PARD3B: variants seen among roughly 807,000 people sequenced by gnomAD.
PARD3B encodes par-3 family cell polarity regulator beta.
A neutral mutation model predicts 130.2 loss-of-function variants in PARD3B; 103 were observed. The observed-to-expected ratio is 0.79, with a 90% CI of 0.67 to 0.93. PARD3B has a LOEUF of 0.93. Among genes scored for constraint, PARD3B ranks in the 40% least tolerant of loss-of-function variants. PARD3B has a pLI of 0.00. For missense variants in PARD3B, 1,609 were observed against 1,499.2 expected (o/e 1.07, Z -1.21); for synonymous variants, 583 against 553.2 (o/e 1.05, Z -0.76).
intron 22 of PARD3B, among the ~76,000 whole-genome samples, chr2:205,587,465 C>T (rs1366303198): frequency 1.3e-5 from 2 of 152,122 alleles, no homozygotes; most frequent in African/African-American, 4.8e-5. Flanking sequence ...CTAATGTTCT[C>T]AATAATAATA....
At chr2:205,034,844 T>C (rs1020102916) in intron 3 of PARD3B, among the ~76,000 whole-genome samples, 3 of 152,148 alleles carry the variant, frequency 2.0e-5, no homozygotes, top group East Asian at 1.9e-4. Context: ...TTTTTGGCCA[T>C]GTGTTCTTTT....
chr2:204,717,879 G>C (rs1276715157), intron 2 of PARD3B, among the ~76,000 whole-genome samples: 1 of 152,166 alleles, frequency 6.6e-6, no homozygotes, highest in Non-Finnish European at 1.5e-5. Context: ...CAGCTCAATA[G>C]GTTCGTTCTC....
intron 2 of PARD3B, among the ~76,000 whole-genome samples, chr2:204,877,467 TC>T (rs1323259737): frequency 6.6e-6 from 1 of 152,190 alleles, no homozygotes; most frequent in East Asian, 1.9e-4. Context: ...GGCTGACTTT[TC>T]CCATATGTGA....
intron 2 of PARD3B, among the ~76,000 whole-genome samples, chr2:204,777,219 TAGG>T (rs2041658295): frequency 6.6e-6 from 1 of 152,190 alleles, no homozygotes. Context: ...TCATTTGAAA[TAGG>T]AGTAGACAGA....
At chr2:205,411,232 TTAGA>T (rs919965196) in intron 19 of PARD3B, among the ~76,000 whole-genome samples, 2 of 152,134 alleles carry the variant, frequency 1.3e-5, no homozygotes, top group Non-Finnish European at 2.9e-5. Context: ...AAACCATATT[TTAGA>T]TAGATAGATA....
intron 15 of PARD3B, among the ~76,000 whole-genome samples, chr2:205,224,287 T>C (rs6752947): frequency 0.8 from 111,395 of 139,984 alleles, 44,775 homozygotes; most frequent in East Asian, 0.95. Context: ...AGGAGAATGG[T>C]GTGAGCCCAG....
At chr2:204,784,028 A>G (rs1216421138) in intron 2 of PARD3B, among the ~76,000 whole-genome samples, 3 of 152,028 alleles carry the variant, frequency 2.0e-5, no homozygotes, top group African/African-American at 7.2e-5. Flanking sequence ...ATTTTTCTGG[A>G]AAAAAGAGAG....
rs1702087224 is a variant in PARD3B at position 205,091,238 on chromosome 2, T to C, written c.505-13188T>C. Among the ~76,000 whole-genome samples, 1 of 152,186 alleles carries C rather than the reference T, an allele frequency of 6.6e-6. No individual in the cohort carries two copies. The highest frequency in any genetic ancestry group is 2.4e-5 in the African/African-American group (1 of 41,448). Reference sequence around the variant, plus strand: ...CATAAGACCTTTAGTACTTATGGATTCAACATTTGAAATCATATACACATA... The same window carrying C: ...CATAAGACCTTTAGTACTTATGGATCCAACATTTGAAATCATATACACATA... On this transcript the variant is annotated intron_variant, in intron 4 of 22. Transcript: ENST00000406610. The surrounding 1 kb of genome is among the most constrained non-coding windows in gnomAD (Gnocchi z 4.2).
intron 3 of PARD3B, among the ~76,000 whole-genome samples, chr2:205,000,172 C>T (rs1290416410): frequency 6.6e-6 from 1 of 152,154 alleles, no homozygotes; most frequent in Admixed American, 6.5e-5. Flanking sequence ...ATACCACATG[C>T]TAGAAGAGTT....
intron 1 of PARD3B, among the ~76,000 whole-genome samples, chr2:204,583,657 A>G (rs2032690363): frequency 1.3e-5 from 2 of 148,852 alleles, no homozygotes; most frequent in South Asian, 4.3e-4. Flanking sequence ...AACAGAGTGT[A>G]TACCTGTGAC....
chr2:205,452,844 T>G lies in PARD3B; in HGVS notation c.3044+12172T>G, dbSNP rs745855482. Among the ~76,000 whole-genome samples the G allele has an allele frequency of 5.5e-4, 84 of 152,210 alleles. 1 individual carries two copies. Among genetic ancestry groups the G allele is most frequent in the South Asian group, 4.1e-4 (2 of 4,828 alleles). ...GTTTGTACTCAGTGACCATCCATTT[T>G]CAAGGCCCCTTCCCCCCATCCTCAA... On this transcript the variant is annotated intron_variant, in intron 20 of 22. Coordinates refer to ENST00000406610, the MANE Select transcript of PARD3B (RefSeq NM_001302769.2).
intron 4 of PARD3B, among the ~76,000 whole-genome samples, chr2:205,077,192 A>G (rs1273346537): frequency 6.6e-6 from 1 of 152,286 alleles, no homozygotes; most frequent in Non-Finnish European, 1.5e-5. Flanking sequence ...GAGTATTGTC[A>G]TTTCTAAGAA....
chr2:205,201,061 T>C (rs531956292), intron 15 of PARD3B, among the ~76,000 whole-genome samples: 93 of 152,278 alleles, frequency 6.1e-4, no homozygotes, highest in African/African-American at 2.1e-3. Flanking sequence ...ATGGGTACAA[T>C]ATTTTAATAA....
chr2:205,522,883 T>C (rs998233004), intron 21 of PARD3B, among the ~76,000 whole-genome samples: 3 of 152,066 alleles, frequency 2.0e-5, no homozygotes, highest in Non-Finnish European at 4.4e-5. Context: ...TGAGAAAATA[T>C]GGTAAAACAA....
intron 18 of PARD3B, among the ~76,000 whole-genome samples, chr2:205,355,566 G>A (rs1274166188): frequency 6.6e-6 from 1 of 152,014 alleles, no homozygotes; most frequent in Non-Finnish European, 1.5e-5. Context: ...AACTGTGTAA[G>A]GTGAGTGATT....
intron 20 of PARD3B, among the ~76,000 whole-genome samples, chr2:205,464,137 A>T (rs889802005): frequency 6.6e-6 from 1 of 152,244 alleles, no homozygotes; most frequent in East Asian, 1.9e-4. Context: ...TGGTGGAAAC[A>T]TGGATTCTGT....
rs559438227 is a variant in PARD3B, at chr2:204,609,517, C to G, written c.120+63398C>G. Among the ~76,000 whole-genome samples the G allele has an allele frequency of 1.1e-4, 17 of 152,190 alleles. No individual in the cohort carries two copies. In the East Asian group the frequency reaches 3.3e-3, roughly 29 times the overall value. On this transcript the variant is annotated intron_variant, in intron 1 of 22. Transcript: ENST00000406610. ...TATGGAAGATGTACATTGGTTTAGC[C>G]TAAAGAACTGGGATATCTTGAAGTA...
intron 1 of PARD3B, among the ~76,000 whole-genome samples, chr2:204,582,780 G>T (rs2032628605): frequency 6.6e-6 from 1 of 152,130 alleles, no homozygotes; most frequent in East Asian, 1.9e-4. Context: ...GATGTCATTT[G>T]CTTCATTAAA....
intron 2 of PARD3B, among the ~76,000 whole-genome samples, chr2:204,948,705 C>T (rs1689531377): frequency 6.6e-6 from 1 of 152,218 alleles, no homozygotes; most frequent in Non-Finnish European, 1.5e-5. Flanking sequence ...TGTCCGCACT[C>T]ACTTTCTATT....
Sources: allele counts gnomAD v4.1 joint callset (sites outside exome capture counted in the v4.1 genomes callset), GRCh38; gene constraint gnomAD v4.1.1; non-coding constraint Gnocchi (gnomAD v3.1); transcripts MANE v1.5; gene names NCBI Gene and HGNC (gene_info 2026-07-23, HGNC 2026-07-21).